The following LMBR1 variants were observed in gnomAD, a reference collection of about 807,000 sequenced individuals.
The protein encoded by LMBR1 is limb region 1 protein homolog.
In LMBR1, 52 loss-of-function variants were observed where a neutral mutation model predicts 73.9. The observed-to-expected ratio is 0.70, with a 90% CI of 0.56 to 0.89. The LOEUF (loss-of-function observed/expected upper bound fraction) is 0.89. Among genes scored for constraint, LMBR1 ranks in the 40% least tolerant of loss-of-function variants. LMBR1 has a pLI of 0.00. For missense variants in LMBR1, 539 were observed against 579.8 expected (o/e 0.93, Z 0.72); for synonymous variants, 215 against 209.4 (o/e 1.03, Z -0.23).
chr7:156,841,218 T>C (rs28678485), intron 1 of LMBR1, among the ~76,000 whole-genome samples: 8 of 152,044 alleles, frequency 5.3e-5, no homozygotes, highest in African/African-American at 1.9e-4. Context: ...CAGGAAAGAT[T>C]AGAAGAGGAG....
In LMBR1 at chr7:156,684,082, A is replaced by C. The variant is rs1305487209; in HGVS notation, c.1469T>G (p.Leu490Arg). 1 of 1,613,220 alleles carries C rather than the reference A, an allele frequency of 6.2e-7. No homozygotes were observed. Residue 490 changes from leucine to arginine, a missense_variant, in exon 17 of 17, where the codon CTG becomes CGG. Leu to Arg is a moderately radical substitution (Grantham distance 102). Around this residue, in one of 3 missense-constraint regions of LMBR1, gnomAD observed 69 missense variants for 68.5 expected, o/e 1.01. Coordinates refer to ENST00000353442, the MANE Select transcript of LMBR1 (RefSeq NM_022458.4). Reference sequence around the variant, plus strand: ...AGAAGACGCCGTCTGTGCGTCTCACAGTGCTTTCTGATGCCCATTTACAGA... The same window carrying C: ...AGAAGACGCCGTCTGTGCGTCTCACCGTGCTTTCTGATGCCCATTTACAGA... ...KPSVNGHQKA[L>R] is the part of the protein sequence containing the mutation.
At chr7:156,891,091 T>C (rs556550205) in intron 1 of LMBR1, among the ~76,000 whole-genome samples, 184 of 146,660 alleles carry the variant, frequency 1.3e-3, no homozygotes, top group African/African-American at 4.4e-3. Flanking sequence ...TTCAGGAGGC[T>C]GAGGTAGGAG....
intron 1 of LMBR1, among the ~76,000 whole-genome samples, chr7:156,866,967 G>A (rs770906494): frequency 5.3e-5 from 8 of 152,136 alleles, no homozygotes; most frequent in Non-Finnish European, 1.0e-4. Flanking sequence ...TGAGACCTTC[G>A]TCATGACCTC....
chr7:156,763,134 G>A lies in LMBR1; in HGVS notation c.593C>T (p.Ser198Leu). The A allele has an allele frequency of 7.1e-7, 1 of 1,406,444 alleles. No homozygotes were observed. The highest frequency in any genetic ancestry group is 9.9e-7 in the Non-Finnish European group (1 of 1,012,148). The allele number at this position is 1,406,444 out of a possible 1,614,324, so 87.1% of individuals were successfully genotyped here. A position where few individuals can be genotyped will look rare whatever the true frequency, so the allele number is the denominator to read the frequency against. Reference protein sequence around the residue: ...FYLPYLYSCISLMGCLLLLLC... With the variant: ...FYLPYLYSCILLMGCLLLLLC... ...GAGAAGTAACAAACATCCCATCAATGATATACAGGAATATAAATAGGGTAG... is the reference window on the plus strand; with the variant it reads ...GAGAAGTAACAAACATCCCATCAATAATATACAGGAATATAAATAGGGTAG... The change falls in exon 7 of 17, where the codon TCA becomes TTA. Residue 198 changes from serine (S) to leucine (L), a missense_variant. Ser to Leu is a moderately radical substitution (Grantham distance 145, BLOSUM62 -2). Around this residue, in one of 3 missense-constraint regions of LMBR1, gnomAD observed 454 missense variants for 473.4 expected, o/e 0.96. Transcript: ENST00000353442.
chr7:156,676,241 G>GTC, downstream of LMBR1: 1 of 1,492,848 alleles, frequency 6.7e-7, no homozygotes, highest in Non-Finnish European at 8.9e-7. Context: ...GAGTATATGT[G>GTC]TGTGTATATA....
chr7:156,697,733 T>C (rs1159772224), intron 15 of LMBR1, among the ~76,000 whole-genome samples: 9 of 152,144 alleles, frequency 5.9e-5, no homozygotes, highest in Admixed American at 1.3e-4. Context: ...ATCACTGTTA[T>C]TCTATTCTTT....
chr7:156,779,790 G>T, intron 5 of LMBR1: 1 of 744,084 alleles, frequency 1.3e-6, no homozygotes, highest in Non-Finnish European at 2.0e-6. Flanking sequence ...AGGAAGCCTG[G>T]GAAAACTTCT....
intron 5 of LMBR1, among the ~76,000 whole-genome samples, chr7:156,764,033 G>C (rs1410850654): frequency 1.3e-5 from 2 of 152,158 alleles, no homozygotes; most frequent in African/African-American, 4.8e-5. Flanking sequence ...AAAAACATCT[G>C]CAGAGCCATT....
At chr7:156,706,704 C>T (rs766523144) in intron 15 of LMBR1, among the ~76,000 whole-genome samples, 3 of 151,640 alleles carry the variant, frequency 2.0e-5, no homozygotes, top group Non-Finnish European at 2.9e-5. Context: ...ACACAACATA[C>T]TGAAACTTGC....
intron 1 of LMBR1, among the ~76,000 whole-genome samples, chr7:156,890,396 C>G (rs1802689025): frequency 6.6e-6 from 1 of 152,128 alleles, no homozygotes; most frequent in Non-Finnish European, 1.5e-5. Context: ...AAGGCATCCA[C>G]AGAGTGGGAA....
intron 5 of LMBR1, among the ~76,000 whole-genome samples, chr7:156,773,245 T>C (rs1300723117): frequency 1.3e-5 from 2 of 152,082 alleles, no homozygotes; most frequent in Non-Finnish European, 2.9e-5. Context: ...ATAGGAAGAA[T>C]CATTGCTAAA....
At chr7:156,859,248 CA>C (rs35511512) in intron 1 of LMBR1, among the ~76,000 whole-genome samples, 123,026 of 134,154 alleles carry the variant, frequency 0.92, 56,205 homozygotes, top group Middle Eastern at 0.98. Flanking sequence ...AACTCCGTCT[CA>C]AAAAAAAAAA....
chr7:156,783,639 T>C (rs1428677458), intron 5 of LMBR1, among the ~76,000 whole-genome samples: 1 of 152,250 alleles, frequency 6.6e-6, no homozygotes, highest in Non-Finnish European at 1.5e-5. Flanking sequence ...ATATTAATCC[T>C]TGTACCCAGC....
chr7:156,721,328 C>T (rs7779385), intron 15 of LMBR1, among the ~76,000 whole-genome samples: 150,988 of 152,274 alleles, frequency 0.99, 74,861 homozygotes, highest in Middle Eastern at 1. Context: ...AAAAAATCAA[C>T]GTCTTAATTG....
At chr7:156,842,813 A>T (rs1380244465) in intron 1 of LMBR1, among the ~76,000 whole-genome samples, 1 of 152,196 alleles carries the variant, frequency 6.6e-6, no homozygotes. Flanking sequence ...GCTGTAAAAC[A>T]TGAGAGCCAG....
chr7:156,732,923 C>A (rs941386213), intron 10 of LMBR1, among the ~76,000 whole-genome samples: 1 of 152,156 alleles, frequency 6.6e-6, no homozygotes, highest in Non-Finnish European at 1.5e-5. Context: ...GTGGGCAGAA[C>A]ACTTGAGCCC....
chr7:156,823,086 T>C (rs1432643317), intron 4 of LMBR1: 6 of 152,062 alleles, frequency 3.9e-5, no homozygotes, highest in African/African-American at 1.4e-4. Context: ...CACTCCAGCC[T>C]GGGCAACAGA....
At chr7:156,781,001 T>A (rs1443053467) in intron 5 of LMBR1, among the ~76,000 whole-genome samples, 1 of 152,194 alleles carries the variant, frequency 6.6e-6, no homozygotes, top group Non-Finnish European at 1.5e-5. Flanking sequence ...AGTTTTCAGT[T>A]CCATAAAAGC....
At chr7:156,841,848 G>A (rs1280422983) in intron 1 of LMBR1, among the ~76,000 whole-genome samples, 1 of 152,142 alleles carries the variant, frequency 6.6e-6, no homozygotes, top group Non-Finnish European at 1.5e-5. Flanking sequence ...CAAAGAAAAT[G>A]TGAAGGGATT....
Sources: allele counts gnomAD v4.1 joint callset (sites outside exome capture counted in the v4.1 genomes callset), GRCh38; gene constraint gnomAD v4.1.1; regional missense constraint gnomAD v4.1.1; transcripts MANE v1.5; gene names NCBI Gene and HGNC (gene_info 2026-07-23, HGNC 2026-07-21).